The following RUNX1T1 variants were observed in gnomAD, a reference collection of about 807,000 sequenced individuals.
RUNX1T1 encodes RUNX1 partner transcriptional co-repressor 1.
In RUNX1T1, 4 loss-of-function variants were observed where a neutral mutation model predicts 62.8. That is an observed-to-expected ratio of 0.06 (90% confidence interval 0.03 to 0.15). The LOEUF is 0.15. Among genes scored for constraint, RUNX1T1 ranks in the 10% least tolerant of loss-of-function variants. The pLI is 1.00. For missense variants in RUNX1T1, 508 were observed against 754.3 expected (o/e 0.67, Z 3.82); for synonymous variants, 291 against 286.0 (o/e 1.02, Z -0.18).
intron 1 of RUNX1T1, among the ~76,000 whole-genome samples, chr8:92,078,696 CAACT>C (rs1834793146): frequency 6.6e-6 from 1 of 152,162 alleles, no homozygotes; most frequent in South Asian, 2.1e-4. Context: ...GTTCAAGCTG[CAACT>C]AATAGAAAAT....
chr8:92,034,701 TACATATATATAC>T (rs1826935356), intron 1 of RUNX1T1, among the ~76,000 whole-genome samples: 3 of 151,366 alleles, frequency 2.0e-5, no homozygotes, highest in East Asian at 2.0e-4. Flanking sequence ...TATACATGTA[TACATATATATAC>T]ACATATATAT....
chr8:91,977,628 A>G (rs186721987), intron 8 of RUNX1T1, among the ~76,000 whole-genome samples: 1 of 152,306 alleles, frequency 6.6e-6, no homozygotes, highest in Non-Finnish European at 1.5e-5. Flanking sequence ...TTAAAAGACA[A>G]CTTTTAAGGA....
chr8:92,051,624 A>ACTCT (rs58500025), intron 1 of RUNX1T1, among the ~76,000 whole-genome samples: 16 of 113,146 alleles, frequency 1.4e-4, no homozygotes, highest in Admixed American at 7.1e-4. Context: ...TCTCTCTCTC[A>ACTCT]CTCTCTCTCT....
intron 1 of RUNX1T1, among the ~76,000 whole-genome samples, chr8:92,061,814 A>G (rs774159491): frequency 2.6e-5 from 4 of 152,164 alleles, no homozygotes; most frequent in Non-Finnish European, 4.4e-5. Flanking sequence ...AATTAGGCAC[A>G]GGGCAATTTA....
At chr8:92,014,486 A>C in intron 3 of RUNX1T1, 93 bp downstream of exon 4, 1 of 1,185,836 alleles carries the variant, frequency 8.4e-7, no homozygotes, top group Non-Finnish European at 1.2e-6. Flanking sequence ...CTATTATAAC[A>C]AAATACTTGC....
At chr8:92,037,584 T>C (rs1827659781) in intron 1 of RUNX1T1, among the ~76,000 whole-genome samples, 1 of 152,114 alleles carries the variant, frequency 6.6e-6, no homozygotes, top group African/African-American at 2.4e-5. Context: ...GTGGCTAATG[T>C]GGGAGGACTG....
In RUNX1T1 at chr8:91,962,207, C is replaced by A. The variant is rs373376548; in HGVS notation, c.1459-1690G>T. 8.4e-4 allele frequency among the ~76,000 whole-genome samples: 128 copies of A among 152,300 alleles called. 2 individuals carry two copies. Among genetic ancestry groups the A allele is most frequent in the African/African-American group, 3.0e-3 (126 of 41,560 alleles). On this transcript the variant is annotated intron_variant, in intron 10 of 10. Coordinates refer to ENST00000396218, the Ensembl canonical transcript of RUNX1T1. ...AACTTTTAGAAAGAGCCCAGCTCCA[C>A]GTTCTTATTTCTTTAACCATCAGAC...
chr8:92,007,624 G>T (rs538202550), intron 4 of RUNX1T1, among the ~76,000 whole-genome samples: 1 of 152,060 alleles, frequency 6.6e-6, no homozygotes, highest in African/African-American at 2.4e-5. Flanking sequence ...TATAGTCTAC[G>T]GCTCCTAGGC....
chr8:91,991,355 T>C (rs1321876839), intron 6 of RUNX1T1, among the ~76,000 whole-genome samples: 1 of 152,172 alleles, frequency 6.6e-6, no homozygotes, highest in Non-Finnish European at 1.5e-5. Flanking sequence ...TTGCATTTGT[T>C]ACCAACACAA....
chr8:91,986,631 A>T, intron 7 of RUNX1T1, among the ~76,000 whole-genome samples: 1 of 152,224 alleles, frequency 6.6e-6, no homozygotes, highest in Non-Finnish European at 1.5e-5. Context: ...TGACCTTTTC[A>T]CAATAGAACA....
intron 8 of RUNX1T1, among the ~76,000 whole-genome samples, 196 bp downstream of exon 9, chr8:91,985,928 A>G (rs1034072450): frequency 5.3e-5 from 8 of 152,226 alleles, no homozygotes; most frequent in African/African-American, 1.7e-4. Flanking sequence ...AAAGGAATTT[A>G]AGTTTTGTGG....
At chr8:92,070,620 TA>T (rs375285722) in intron 2 of RUNX1T1, among the ~76,000 whole-genome samples, 1,747 of 148,712 alleles carry the variant, frequency 0.012, 29 homozygotes, top group African/African-American at 0.042. Context: ...TTCCATGTGA[TA>T]TGCAAAACAA....
chr8:92,091,605 C>G (rs890920904), intron 1 of RUNX1T1, among the ~76,000 whole-genome samples: 1 of 152,194 alleles, frequency 6.6e-6, no homozygotes, highest in Non-Finnish European at 1.5e-5. Flanking sequence ...GGGATTATGT[C>G]TGTGAATAAA....
rs943478351 is a variant in RUNX1T1 at position 92,031,152 on chromosome 8, C to T, written c.8-13789G>A. Among the ~76,000 whole-genome samples the T allele has an allele frequency of 9.2e-5, 14 of 152,166 alleles. 1 individual carries two copies. Among genetic ancestry groups the T allele is most frequent in the Admixed American group, 9.2e-4 (14 of 15,270 alleles). On this transcript the variant is annotated intron_variant, in intron 1 of 10. Transcript: ENST00000396218. The stretch of plus-strand genomic sequence containing the variant: ...GTCCATCCCAATATTCTGTCAATTC[C>T]ACTTCTAAATAACCTTTGCGATCCA...
exon 6 of RUNX1T1, chr8:91,991,748 T>C (rs1196473923): frequency 1.2e-6 from 2 of 1,613,220 alleles, no homozygotes; most frequent in Non-Finnish European, 1.7e-6. Flanking sequence ...GAGGTGGAGG[T>C]GGGGTAGGGT....
chr8:92,083,137 A>G (rs1383204339), intron 1 of RUNX1T1, among the ~76,000 whole-genome samples: 1 of 152,226 alleles, frequency 6.6e-6, no homozygotes, highest in East Asian at 1.9e-4. Context: ...AAAATAAAAT[A>G]AAAAGTTACA....
chr8:92,078,826 T>C (rs1350731802), intron 1 of RUNX1T1, among the ~76,000 whole-genome samples: 2 of 152,256 alleles, frequency 1.3e-5, no homozygotes, highest in African/African-American at 2.4e-5. Context: ...GCATACAGAA[T>C]ACTTTTTTGA....
intron 8 of RUNX1T1, among the ~76,000 whole-genome samples, chr8:91,983,199 C>A (rs1815800501): frequency 1.3e-5 from 2 of 151,958 alleles, no homozygotes; most frequent in Non-Finnish European, 2.9e-5. Flanking sequence ...TCCCAAAGTG[C>A]TTGGATTACA....
intron 1 of RUNX1T1, among the ~76,000 whole-genome samples, chr8:92,060,553 A>ATATGTGTGTGTG: frequency 4.7e-5 from 3 of 63,940 alleles, no homozygotes; most frequent in African/African-American, 1.2e-4. Context: ...ATATATATAT[A>ATATGTGTGTGTG]TGTGTGTGTG....
Sources: allele counts gnomAD v4.1 joint callset (sites outside exome capture counted in the v4.1 genomes callset), GRCh38; gene constraint gnomAD v4.1.1; transcripts MANE v1.5; gene names NCBI Gene and HGNC (gene_info 2026-07-23, HGNC 2026-07-21).